TPTE: variants seen among roughly 807,000 people sequenced by gnomAD.
TPTE encodes putative tyrosine-protein phosphatase TPTE.
In TPTE, 59 loss-of-function variants were observed where a neutral mutation model predicts 84.1. That is an observed-to-expected ratio of 0.70 (90% CI 0.57 to 0.87). The LOEUF is 0.87. Ranked by LOEUF, TPTE falls within the 40% of genes least tolerant of loss-of-function variation. The pLI is 0.00. For missense variants in TPTE, 382 were observed against 659.6 expected (o/e 0.58, Z 4.61); for synonymous variants, 130 against 223.5 (o/e 0.58, Z 3.73).
chr21:10,559,210 T>C (rs2074744126), intron 8 of TPTE, among the ~76,000 whole-genome samples: 2 of 152,306 alleles, frequency 1.3e-5, no homozygotes, highest in Admixed American at 6.5e-5. Flanking sequence ...TGACCACCAG[T>C]TTAAGTTTAG....
chr21:10,575,780 AACAG>A (rs1392768774), intron 14 of TPTE, among the ~76,000 whole-genome samples: 1 of 152,312 alleles, frequency 6.6e-6, no homozygotes, highest in Non-Finnish European at 1.5e-5. Context: ...AGAGGATCTG[AACAG>A]ACACTTCCCA....
intron 17 of TPTE, among the ~76,000 whole-genome samples, chr21:10,586,707 T>C (rs1288209884): frequency 6.6e-6 from 1 of 152,302 alleles, no homozygotes; most frequent in African/African-American, 2.4e-5. Flanking sequence ...GTAATTACTG[T>C]AAAGATTTCA....
chr21:10,536,058 A>G (rs1218634712), intron 3 of TPTE, among the ~76,000 whole-genome samples: 16 of 152,420 alleles, frequency 1.0e-4, no homozygotes, highest in African/African-American at 3.4e-4. Context: ...CAGCTAGATC[A>G]CTTGAGGCCA....
intron 14 of TPTE, among the ~76,000 whole-genome samples, chr21:10,576,838 CATATATATATATATATATATAT>C (rs56285862): frequency 0.018 from 2,416 of 136,060 alleles, 2 homozygotes; most frequent in African/African-American, 0.058. Flanking sequence ...TACATATATA[CATATATATATATATATATATAT>C]ATATATATAT....
At chr21:10,530,676 A>G (rs1280647022) in intron 3 of TPTE, among the ~76,000 whole-genome samples, 1 of 152,306 alleles carries the variant, frequency 6.6e-6, no homozygotes, top group Non-Finnish European at 1.5e-5. Flanking sequence ...CTGTAGGAAT[A>G]TGAAACAGGA....
intron 3 of TPTE, among the ~76,000 whole-genome samples, chr21:10,530,646 A>G (rs901075707): frequency 2.0e-5 from 3 of 152,304 alleles, no homozygotes; most frequent in African/African-American, 7.2e-5. Context: ...CCAGACCCCT[A>G]TAGACCTGTT....
At chr21:10,560,652 T>C (rs570532804) in intron 9 of TPTE, among the ~76,000 whole-genome samples, 55 of 152,400 alleles carry the variant, frequency 3.6e-4, no homozygotes, top group African/African-American at 1.3e-3. Flanking sequence ...TCCAGATTAA[T>C]GAGGGTTTAT....
intron 3 of TPTE, among the ~76,000 whole-genome samples, chr21:10,536,784 G>A (rs376363478): frequency 0.012 from 1,792 of 151,462 alleles, no homozygotes; most frequent in South Asian, 0.063. Flanking sequence ...GAAACTTCTT[G>A]TTATTGTCTT....
At chr21:10,544,241 C>A (rs1337180919) in intron 7 of TPTE, among the ~76,000 whole-genome samples, 6 of 152,306 alleles carry the variant, frequency 3.9e-5, no homozygotes, top group Admixed American at 3.9e-4. Flanking sequence ...ATTAAGGAAA[C>A]ATCTAGGTGA....
At chr21:10,541,389 T>C (rs1246140862) in intron 5 of TPTE, among the ~76,000 whole-genome samples, 3 of 152,298 alleles carry the variant, frequency 2.0e-5, no homozygotes, top group Admixed American at 2.0e-4. Context: ...GGAGAATCGA[T>C]TGAACCTGGG....
At chr21:10,590,838 A>T (rs1238311699) in intron 18 of TPTE, among the ~76,000 whole-genome samples, 2 of 152,312 alleles carry the variant, frequency 1.3e-5, no homozygotes, top group Non-Finnish European at 2.9e-5. Flanking sequence ...TAATGCAAAA[A>T]ATCGATGATG....
chr21:10,603,877 G>A (rs1279751088), intron 23 of TPTE, among the ~76,000 whole-genome samples: 1 of 152,312 alleles, frequency 6.6e-6, no homozygotes, highest in Non-Finnish European at 1.5e-5. Context: ...GAGTTCAAAA[G>A]TATTATCATC....
chr21:10,522,575 T>A (rs2145562448), intron 1 of TPTE, among the ~76,000 whole-genome samples: 1 of 152,426 alleles, frequency 6.6e-6, no homozygotes, highest in South Asian at 2.1e-4. Flanking sequence ...AGTTTTAATC[T>A]GCATTTCTCT....
At position 10,561,190 on chromosome 21, in the gene TPTE, AG is replaced by A. The variant is rs1379760598; in HGVS notation, c.446+1del. ...MDVLLRVFVE[R>X]RQQYFSDLFN... is the part of the protein sequence containing the mutation. Reference sequence around the variant, plus strand: ...TGTTCTTCTTCGAGTATTTGTAGAAAGGTAAGTTTGATTATTTTTATAATGC... The same window carrying A: ...TGTTCTTCTTCGAGTATTTGTAGAAAGTAAGTTTGATTATTTTTATAATGC... On this transcript the variant is annotated frameshift_variant and splice_region_variant, in exon 10 of 24. Coordinates refer to ENST00000618007, the MANE Select transcript of TPTE (RefSeq NM_199261.4). LOFTEE classifies it high-confidence loss of function. The A allele has an allele frequency of 6.2e-7, 1 of 1,611,136 alleles. No homozygotes were observed. Among genetic ancestry groups the A allele is most frequent in the African/African-American group, 1.3e-5 (1 of 74,632 alleles).
At chr21:10,591,597 A>G (rs2075477815) in intron 18 of TPTE, among the ~76,000 whole-genome samples, 1 of 152,312 alleles carries the variant, frequency 6.6e-6, no homozygotes, top group Non-Finnish European at 1.5e-5. Flanking sequence ...TAAAAAACAA[A>G]AGGTTTGAAA....
intron 17 of TPTE, among the ~76,000 whole-genome samples, chr21:10,581,348 C>G (rs1383073924): frequency 1.3e-5 from 2 of 152,310 alleles, no homozygotes; most frequent in East Asian, 1.9e-4. Flanking sequence ...TTTCTATTAA[C>G]TAATGCTAAT....
intron 14 of TPTE, among the ~76,000 whole-genome samples, chr21:10,572,913 GAAGAA>G (rs1422211089): frequency 2.0e-5 from 3 of 152,294 alleles, no homozygotes; most frequent in African/African-American, 4.8e-5. Flanking sequence ...AAAAAAAGGT[GAAGAA>G]AAGAACAAAG....
intron 7 of TPTE, among the ~76,000 whole-genome samples, chr21:10,543,879 A>G (rs2074417599): frequency 6.6e-6 from 1 of 152,310 alleles, no homozygotes. Context: ...TGGGAAAAAA[A>G]GAATGGAGCT....
chr21:10,590,974 C>T (rs1478802219), intron 18 of TPTE, among the ~76,000 whole-genome samples: 6 of 152,414 alleles, frequency 3.9e-5, no homozygotes, highest in East Asian at 1.9e-4. Context: ...CTTCACCTGG[C>T]CCTGCTCTTC....
Sources: allele counts gnomAD v4.1 joint callset (sites outside exome capture counted in the v4.1 genomes callset), GRCh38; gene constraint gnomAD v4.1.1; transcripts MANE v1.5; gene names NCBI Gene and HGNC (gene_info 2026-07-23, HGNC 2026-07-21).